Variants in PGCKA1 observed in about 807,000 individuals in gnomAD.
PGCKA1 encodes the protein PDCD10 and GCKIII kinases-associated protein 1.
chr4:37,493,942 T>TTA, the PGCKA1 span, among the ~76,000 whole-genome samples: 1 of 152,216 alleles, frequency 6.6e-6, no homozygotes, highest in African/African-American at 2.4e-5. Context: ...TTTGTTATGT[T>TTA]TATGTACCAC....
chr4:37,457,975 AACCCTAAGTCTACAAGAAAAACAT>A, the PGCKA1 span, among the ~76,000 whole-genome samples: 1 of 152,242 alleles, frequency 6.6e-6, no homozygotes, highest in East Asian at 1.9e-4. Context: ...TCTGTGATTA[AACCCTAAGTCTACAAGAAAAACAT>A]TAAATTGTGT....
the PGCKA1 span, among the ~76,000 whole-genome samples, chr4:37,548,437 TA>T: frequency 2.0e-4 from 30 of 152,212 alleles, 1 homozygote; most frequent in East Asian, 5.6e-3. Flanking sequence ...TAGCTAAAGT[TA>T]AAAAGGTATC....
the PGCKA1 span, among the ~76,000 whole-genome samples, chr4:37,474,178 T>G: frequency 1.3e-5 from 2 of 152,126 alleles, no homozygotes; most frequent in African/African-American, 4.8e-5. Context: ...ATGAATGGAT[T>G]AATGCCATTA....
chr4:37,482,731 G>A, the PGCKA1 span, among the ~76,000 whole-genome samples: 5 of 152,168 alleles, frequency 3.3e-5, no homozygotes, highest in African/African-American at 1.2e-4. Context: ...TAGGCCTGAA[G>A]GTGTAGGAGG....
chr4:37,586,289 C>G, the PGCKA1 span, among the ~76,000 whole-genome samples: 1 of 152,150 alleles, frequency 6.6e-6, no homozygotes, highest in Non-Finnish European at 1.5e-5. Flanking sequence ...TGATTGGTTG[C>G]AGACACACAA....
At chr4:37,473,458 A>G in the PGCKA1 span, among the ~76,000 whole-genome samples, 1 of 152,198 alleles carries the variant, frequency 6.6e-6, no homozygotes, top group Non-Finnish European at 1.5e-5. Context: ...CTATATTGAA[A>G]TGTTTAATGT....
chr4:37,553,592 T>C, the PGCKA1 span, among the ~76,000 whole-genome samples: 1 of 152,116 alleles, frequency 6.6e-6, no homozygotes. Context: ...AACACAAAGA[T>C]AGAAAATAAT....
chr4:37,474,171 A>G, the PGCKA1 span, among the ~76,000 whole-genome samples: 1 of 152,150 alleles, frequency 6.6e-6, no homozygotes, highest in Non-Finnish European at 1.5e-5. Flanking sequence ...TGCCATCATG[A>G]ATGGATTAAT....
the PGCKA1 span, among the ~76,000 whole-genome samples, chr4:37,505,337 T>C: frequency 1.4e-4 from 21 of 152,234 alleles, no homozygotes; most frequent in African/African-American, 4.8e-4. Flanking sequence ...TTGAGGATTT[T>C]TGCACCAATA....
At chr4:37,479,508 A>G in the PGCKA1 span, among the ~76,000 whole-genome samples, 2 of 152,220 alleles carry the variant, frequency 1.3e-5, no homozygotes, top group Non-Finnish European at 2.9e-5. Flanking sequence ...AATCACACAA[A>G]CGCAAATTTT....
chr4:37,577,998 C>G, the PGCKA1 span, among the ~76,000 whole-genome samples: 1 of 152,076 alleles, frequency 6.6e-6, no homozygotes, highest in African/African-American at 2.4e-5. Flanking sequence ...AGTCCATGTG[C>G]TGAGGAAAAG....
chr4:37,581,380 C>T, the PGCKA1 span, among the ~76,000 whole-genome samples: 1 of 152,186 alleles, frequency 6.6e-6, no homozygotes. The surrounding 1 kb of genome is among the most constrained non-coding windows in gnomAD (Gnocchi z 4.4). Context: ...CTCAGAGTCT[C>T]ACCCAAGGCC....
At chr4:37,510,304 GTATT>G in the PGCKA1 span, among the ~76,000 whole-genome samples, 1 of 152,032 alleles carries the variant, frequency 6.6e-6, no homozygotes, top group Non-Finnish European at 1.5e-5. Context: ...GAAGGGTTAA[GTATT>G]TATTATAGTC....
chr4:37,473,830 AGCCCT>A, the PGCKA1 span, among the ~76,000 whole-genome samples: 103 of 152,254 alleles, frequency 6.8e-4, no homozygotes, highest in Non-Finnish European at 1.1e-3. Flanking sequence ...GCCTTTCTCC[AGCCCT>A]GCCCCCCTAC....
At chr4:37,550,917 A>G in the PGCKA1 span, among the ~76,000 whole-genome samples, 1 of 152,194 alleles carries the variant, frequency 6.6e-6, no homozygotes, top group East Asian at 1.9e-4. Context: ...AAAGGCCTCA[A>G]TTATTGGACA....
At chr4:37,543,821 A>G in the PGCKA1 span, among the ~76,000 whole-genome samples, 5 of 136,938 alleles carry the variant, frequency 3.7e-5, no homozygotes, top group Non-Finnish European at 8.1e-5. Flanking sequence ...GCGACAGAGC[A>G]AGACTCCGTC....
the PGCKA1 span, among the ~76,000 whole-genome samples, chr4:37,572,211 C>T: frequency 8.6e-5 from 13 of 151,144 alleles, no homozygotes; most frequent in African/African-American, 3.2e-4. Flanking sequence ...TACAGGCGCC[C>T]GCCACTACGC....
At chr4:37,543,209 T>A in the PGCKA1 span, among the ~76,000 whole-genome samples, 1 of 152,190 alleles carries the variant, frequency 6.6e-6, no homozygotes, top group African/African-American at 2.4e-5. Context: ...GGTGGGTTTT[T>A]TTCCATAATA....
chr4:37,524,269 T>C, the PGCKA1 span, among the ~76,000 whole-genome samples: 1 of 152,210 alleles, frequency 6.6e-6, no homozygotes, highest in Non-Finnish European at 1.5e-5. Flanking sequence ...TCAGCATTGA[T>C]AGTTTGTATG....
Sources: allele counts gnomAD v4.1 joint callset (sites outside exome capture counted in the v4.1 genomes callset), GRCh38; gene constraint gnomAD v4.1.1; non-coding constraint Gnocchi (gnomAD v3.1); transcripts MANE v1.5; gene names NCBI Gene and HGNC (gene_info 2026-07-23, HGNC 2026-07-21).